ERI1: variants seen among roughly 807,000 people sequenced by gnomAD.
The protein encoded by ERI1 is exoribonuclease 1, also known as 3'-5' exoribonuclease 1.
Under a neutral mutation model 39.7 loss-of-function variants are expected in ERI1, and 39 were observed. The ratio of observed to expected loss-of-function variants is 0.98; its 90% CI spans 0.76 to 1.28. The LOEUF is 1.28. ERI1 is among the 50% of genes most tolerant of loss of function. ERI1 has a pLI of 0.00. For missense variants in ERI1, 581 were observed against 416.9 expected, an observed-to-expected ratio of 1.39 and a Z score of -3.43; for synonymous variants, 204 against 149.6, an observed-to-expected ratio of 1.36 and a Z score of -2.65.
intron 3 of ERI1, among the ~76,000 whole-genome samples, chr8:9,074,383 C>A (rs1028200716): frequency 6.6e-6 from 1 of 152,020 alleles, no homozygotes; most frequent in African/African-American, 2.4e-5. Flanking sequence ...CCTCAGCCTC[C>A]CAAAATGCTG....
intron 3 of ERI1, among the ~76,000 whole-genome samples, chr8:9,055,351 T>C (rs573162359): frequency 6.6e-6 from 1 of 152,366 alleles, no homozygotes; most frequent in African/African-American, 2.4e-5. Flanking sequence ...ACTTAAAATA[T>C]GTAAGGAGAG....
At chr8:9,039,512 T>C (rs1057034245) in intron 3 of ERI1, among the ~76,000 whole-genome samples, 7 of 152,128 alleles carry the variant, frequency 4.6e-5, no homozygotes, top group Non-Finnish European at 8.8e-5. Flanking sequence ...GTGAAAACAG[T>C]CAAGATTTAA....
At chr8:9,089,026 A>G (rs563262891) in intron 3 of ERI1, among the ~76,000 whole-genome samples, 4 of 152,342 alleles carry the variant, frequency 2.6e-5, no homozygotes, top group African/African-American at 4.8e-5. Context: ...GACTTAGGGT[A>G]GAACTGTGGC....
At chr8:9,022,860 C>T (rs947807606) in intron 6 of ERI1, among the ~76,000 whole-genome samples, 3 of 152,160 alleles carry the variant, frequency 2.0e-5, no homozygotes, top group African/African-American at 2.4e-5. Context: ...TGTATCCCCA[C>T]CCACTTTCCT....
downstream of ERI1, among the ~76,000 whole-genome samples, chr8:9,035,156 G>T (rs1361129644): frequency 6.6e-6 from 1 of 152,066 alleles, no homozygotes; most frequent in Non-Finnish European, 1.5e-5. Context: ...AGCAAGTGCT[G>T]ATGTAGAAAT....
At chr8:9,092,180 C>T (rs936803637) in intron 3 of ERI1, among the ~76,000 whole-genome samples, 2 of 152,222 alleles carry the variant, frequency 1.3e-5, no homozygotes, top group Admixed American at 6.5e-5. Context: ...TGGTCTCAAA[C>T]TCCTGGGCTC....
chr8:9,066,702 C>A (rs1349051629), intron 3 of ERI1, among the ~76,000 whole-genome samples: 1 of 152,060 alleles, frequency 6.6e-6, no homozygotes, highest in African/African-American at 2.4e-5. Flanking sequence ...TATTTTCTTA[C>A]CTGAAATTTA....
chr8:9,014,605 A>G (rs571796054), intron 3 of ERI1, among the ~76,000 whole-genome samples: 68 of 152,358 alleles, frequency 4.5e-4, no homozygotes, highest in African/African-American at 1.6e-3. Context: ...TCTTCTGTTA[A>G]AAGTATTTAG....
At chr8:9,080,546 C>G (rs189709209) in intron 3 of ERI1, among the ~76,000 whole-genome samples, 2 of 152,342 alleles carry the variant, frequency 1.3e-5, no homozygotes, top group Admixed American at 1.3e-4. Context: ...ACACTGCACA[C>G]CTTTGTGAAG....
At chr8:9,014,824 A>T (rs1039565140) in intron 3 of ERI1, among the ~76,000 whole-genome samples, 1 of 151,884 alleles carries the variant, frequency 6.6e-6, no homozygotes, top group Non-Finnish European at 1.5e-5. Flanking sequence ...AAGTTCAATT[A>T]TTCTTTTGTT....
At chr8:9,047,663 C>T (rs1382143918) in intron 3 of ERI1, among the ~76,000 whole-genome samples, 1 of 152,096 alleles carries the variant, frequency 6.6e-6, no homozygotes, top group Non-Finnish European at 1.5e-5. Flanking sequence ...AGCACAATTG[C>T]ACTCCAGCCT....
intron 6 of ERI1, among the ~76,000 whole-genome samples, chr8:9,023,793 C>CATTTT (rs1818180466): frequency 1.2e-5 from 1 of 80,532 alleles, no homozygotes; most frequent in Non-Finnish European, 2.1e-5. Context: ...GTAAAAATGA[C>CATTTT]TTTTTTTTTT....
chr8:9,018,453 T>C lies in ERI1; in HGVS notation c.692+47T>C, dbSNP rs376704877. The C allele has an allele frequency of 9.4e-6, 10 of 1,060,066 alleles. No individual in the cohort carries two copies. In the African/African-American group the frequency reaches 1.3e-4, roughly 14 times the overall value. The allele number at this position is 1,060,066 out of a possible 1,614,324, so 65.7% of individuals were successfully genotyped here. A position where few individuals can be genotyped will look rare whatever the true frequency, so the allele number is the denominator to read the frequency against. ...TTTTTTATATCTACTTTTTAAAGAT[T>C]AAAGATACCCTTATTTATCTGATTT... is the stretch of plus-strand genomic sequence containing the variant. On this transcript the variant is annotated intron_variant, in intron 5 of 6. Transcript: ENST00000250263.
At chr8:9,074,921 A>G (rs1040825742) in intron 3 of ERI1, among the ~76,000 whole-genome samples, 1 of 152,184 alleles carries the variant, frequency 6.6e-6, no homozygotes, top group Non-Finnish European at 1.5e-5. Context: ...CAGTGTCACA[A>G]GAGCAAGCCT....
intron 3 of ERI1, among the ~76,000 whole-genome samples, chr8:9,093,832 C>T (rs1799789232): frequency 6.6e-6 from 1 of 152,212 alleles, no homozygotes; most frequent in African/African-American, 2.4e-5. Flanking sequence ...TCGCCTCGGC[C>T]TCCCAAAGTG....
At chr8:9,064,256 G>GC (rs1278277743) in intron 3 of ERI1, among the ~76,000 whole-genome samples, 1 of 150,322 alleles carries the variant, frequency 6.7e-6, no homozygotes, top group African/African-American at 2.5e-5. Context: ...GGGGTTTCTT[G>GC]CCCCCCAGAA....
chr8:9,099,980 A>G (rs920074637), intron 3 of ERI1: 1 of 152,266 alleles, frequency 6.6e-6, no homozygotes, highest in African/African-American at 2.4e-5. Flanking sequence ...AAGATGGTAA[A>G]GATGAAAAAT....
chr8:9,096,312 C>A (rs957824184), intron 3 of ERI1, among the ~76,000 whole-genome samples: 1 of 152,174 alleles, frequency 6.6e-6, no homozygotes, highest in Non-Finnish European at 1.5e-5. Context: ...ACAAATCCAG[C>A]CCCGGCTCCC....
intron 5 of ERI1, 41 bp downstream of exon 5, chr8:9,018,447 A>G (rs1817533398): frequency 9.2e-7 from 1 of 1,092,486 alleles, no homozygotes; most frequent in Non-Finnish European, 1.4e-6. Flanking sequence ...TCTACTTTTT[A>G]AAGATTAAAG....
Sources: allele counts gnomAD v4.1 joint callset (sites outside exome capture counted in the v4.1 genomes callset), GRCh38; gene constraint gnomAD v4.1.1; transcripts MANE v1.5; gene names NCBI Gene and HGNC (gene_info 2026-07-23, HGNC 2026-07-21).